The following BRAF variants were observed in gnomAD, a reference collection of about 807,000 sequenced individuals.
BRAF encodes B-Raf proto-oncogene, serine/threonine kinase.
Under a neutral mutation model 104.6 loss-of-function variants are expected in BRAF, and 16 were observed. That is an observed-to-expected ratio of 0.15 (90% confidence interval 0.10 to 0.23). The LOEUF is 0.23. Ranked by LOEUF, BRAF falls within the 10% of genes least tolerant of loss-of-function variation. The pLI, the probability that BRAF is intolerant of heterozygous loss-of-function variation, is 1.00. For missense variants in BRAF, 541 were observed against 937.3 expected (o/e 0.58, Z 5.52); for synonymous variants, 310 against 341.6 (o/e 0.91, Z 1.02).
At chr7:140,901,719 G>A (rs1815661392) in intron 1 of BRAF, among the ~76,000 whole-genome samples, 1 of 152,158 alleles carries the variant, frequency 6.6e-6, no homozygotes, top group Admixed American at 6.5e-5. Flanking sequence ...TATATCTGAA[G>A]TATTTAAAAT....
intron 1 of BRAF, among the ~76,000 whole-genome samples, chr7:140,918,039 A>G (rs1321004385): frequency 6.6e-6 from 1 of 152,200 alleles, no homozygotes; most frequent in Non-Finnish European, 1.5e-5. Context: ...CCTCTGCCTT[A>G]AGACACAAGT....
At chr7:140,845,502 A>G (rs1050721016) in intron 2 of BRAF, among the ~76,000 whole-genome samples, 6 of 152,214 alleles carry the variant, frequency 3.9e-5, no homozygotes, top group Non-Finnish European at 8.8e-5. Flanking sequence ...AACAAAACAA[A>G]CAATCCAATT....
At position 140,764,519 on chromosome 7, in the gene BRAF, C is replaced by A. The variant is rs1208607930; in HGVS notation, c.1815-10286G>T. ...GAGGAAGTCAAATTGTCCCTGTTTG[C>A]AGACGACATGATTGTATATCTAGAA... On this transcript the variant is annotated intron_variant, in intron 14 of 19. Transcript: ENST00000644969. Among the ~76,000 whole-genome samples, 1 of 151,478 alleles carries A rather than the reference C, an allele frequency of 6.6e-6. No individual in the cohort carries two copies. The highest frequency in any genetic ancestry group is 1.5e-5 in the Non-Finnish European group (1 of 67,954).
In BRAF at chr7:140,914,973, G is replaced by T. The variant is rs867562460; in HGVS notation, c.138+9593C>A. Among the ~76,000 whole-genome samples, 47 of 74,912 alleles carry T rather than the reference G, an allele frequency of 6.3e-4. 6 individuals are homozygous for T. The highest frequency in any genetic ancestry group is 5.9e-3 in the East Asian group (12 of 2,018). 49.1% of individuals were successfully genotyped at this position (74,912 alleles called of 152,430 possible). ...GAGAATCACTTGAACCCGGGGGGGG[G>T]GGGGGGCGGAGGTTGCAATGAGCCG... is the stretch of plus-strand genomic sequence containing the variant. On this transcript the variant is annotated intron_variant, in intron 1 of 19. Transcript: ENST00000644969.
At chr7:140,908,431 T>A (rs73502755) in intron 1 of BRAF, among the ~76,000 whole-genome samples, 12,794 of 152,118 alleles carry the variant, frequency 0.084, 1,709 homozygotes, top group African/African-American at 0.29. Context: ...TTCCCTAGAA[T>A]GAAAGGCCTT....
At chr7:140,714,000 A>T in the BRAF span, among the ~76,000 whole-genome samples, 1 of 152,098 alleles carries the variant, frequency 6.6e-6, no homozygotes, top group African/African-American at 2.4e-5. Context: ...CGGCCGTGTG[A>T]GGTGTCAGTC....
At chr7:140,864,227 C>G (rs1425817507) in intron 1 of BRAF, among the ~76,000 whole-genome samples, 1 of 152,050 alleles carries the variant, frequency 6.6e-6, no homozygotes, top group Non-Finnish European at 1.5e-5. Flanking sequence ...CTAGTTGAAA[C>G]TATGGTTGTG....
rs1256078767 is a variant in BRAF at position 140,787,588 on chromosome 7, C to T, written c.1141-4G>A. ...ATCCTTGGTCTCTAATCAAGTCCTA[C>T]AAATAAATAGTAATGTATATTTATT... On this transcript the variant is annotated splice_polypyrimidine_tract_variant and splice_region_variant and intron_variant, in intron 8 of 19. Coordinates refer to ENST00000644969, the MANE Select transcript of BRAF (RefSeq NM_001374258.1). The T allele has an allele frequency of 6.2e-7, 1 of 1,609,998 alleles. No individual in the cohort carries two copies. Among genetic ancestry groups the T allele is most frequent in the Non-Finnish European group, 8.5e-7 (1 of 1,176,578 alleles).
intron 19 of BRAF, chr7:140,734,325 T>C (rs1298430581): frequency 7.7e-7 from 1 of 1,292,234 alleles, no homozygotes; most frequent in East Asian, 3.2e-5. Context: ...AAGTGAATGA[T>C]ACAAACCCGG....
intron 8 of BRAF, among the ~76,000 whole-genome samples, chr7:140,791,903 C>T (rs1055134396): frequency 9.2e-5 from 14 of 152,238 alleles, no homozygotes; most frequent in African/African-American, 3.4e-4. Flanking sequence ...CAGGTTTGAA[C>T]CCACTTCAGT....
chr7:140,810,664 C>A (rs769065885), intron 3 of BRAF, among the ~76,000 whole-genome samples: 1 of 152,184 alleles, frequency 6.6e-6, no homozygotes. Context: ...ATTAAAGAGA[C>A]TGGATGGTAC....
intron 1 of BRAF, among the ~76,000 whole-genome samples, chr7:140,872,484 C>A (rs1040397162): frequency 2.0e-5 from 3 of 151,900 alleles, no homozygotes; most frequent in African/African-American, 7.3e-5. Context: ...GAAGAAATAA[C>A]AAAGAAAATT....
chr7:140,808,611 T>C (rs1370016614), intron 4 of BRAF, among the ~76,000 whole-genome samples: 2 of 152,062 alleles, frequency 1.3e-5, no homozygotes, highest in African/African-American at 2.4e-5. Flanking sequence ...AAGAGTCTAT[T>C]ATCCAAATAA....
chr7:140,759,654 G>A (rs1018501314), intron 14 of BRAF, among the ~76,000 whole-genome samples: 3 of 152,222 alleles, frequency 2.0e-5, no homozygotes, highest in Non-Finnish European at 4.4e-5. Context: ...CCAAACTGCT[G>A]GGATTAGAGG....
intron 10 of BRAF, 158 bp from the exon 10 acceptor site, chr7:140,783,315 T>A (rs1801059188): frequency 1.2e-6 from 1 of 808,052 alleles, no homozygotes; most frequent in African/African-American, 1.7e-5. Flanking sequence ...GGGGCCTCAT[T>A]TGGTGATTAC....
At chr7:140,784,894 A>C (rs949483961) in intron 10 of BRAF, among the ~76,000 whole-genome samples, 6 of 151,994 alleles carry the variant, frequency 3.9e-5, no homozygotes, top group African/African-American at 1.2e-4. Flanking sequence ...TGATCCATCC[A>C]CCTCGGCCTC....
chr7:140,858,791 C>T (rs1810082697), intron 1 of BRAF, among the ~76,000 whole-genome samples: 1 of 151,810 alleles, frequency 6.6e-6, no homozygotes, highest in African/African-American at 2.4e-5. Flanking sequence ...ATCATTGAAT[C>T]TTGGTAGTAT....
At chr7:140,754,147 G>C (rs1798012398) in intron 15 of BRAF, 40 bp downstream of exon 14, 1 of 1,584,534 alleles carries the variant, frequency 6.3e-7, no homozygotes, top group Non-Finnish European at 8.7e-7. Context: ...AAAAAGTCAG[G>C]ATGTTTTCAA....
intron 2 of BRAF, among the ~76,000 whole-genome samples, chr7:140,848,752 G>A (rs895189758): frequency 3.9e-5 from 6 of 152,162 alleles, no homozygotes; most frequent in Admixed American, 1.3e-4. Flanking sequence ...GATAGCACAG[G>A]CTATTAGGAA....
Sources: gnomAD v4.1 joint callset for allele counts (sites outside exome capture counted in the v4.1 genomes callset) on GRCh38, gnomAD v4.1.1 for gene constraint, MANE v1.5 for transcripts, NCBI Gene and HGNC (gene_info 2026-07-23, HGNC 2026-07-21) for gene names.